Variants in DENND5A observed in about 807,000 individuals in gnomAD.
DENND5A encodes DENN domain-containing protein 5A.
DENND5A carries 64 observed loss-of-function variants against 140.3 expected under a neutral mutation model. The observed-to-expected ratio is 0.46, with a 90% CI of 0.37 to 0.56. The LOEUF is 0.56. Among genes scored for constraint, DENND5A ranks in the 20% least tolerant of loss-of-function variants. The pLI is 0.00. For synonymous variants in DENND5A, 605 were observed against 607.7 expected (o/e 1.00, Z 0.07); for missense variants, 1,292 against 1,593.8 (o/e 0.81, Z 3.22).
intron 12 of DENND5A, among the ~76,000 whole-genome samples, chr11:9,154,109 T>C (rs1847724340): frequency 6.6e-6 from 1 of 152,254 alleles, no homozygotes; most frequent in African/African-American, 2.4e-5. Context: ...TCTATAATAA[T>C]GATAGAAGCT....
At chr11:9,210,661 A>G (rs1210173717) in intron 1 of DENND5A, among the ~76,000 whole-genome samples, 1 of 152,106 alleles carries the variant, frequency 6.6e-6, no homozygotes. Flanking sequence ...CTCCCACCTC[A>G]GCCTCCAGAG....
Position 9,178,996 on chromosome 11 carries a change from C to A in DENND5A, c.1533G>T (p.Gln511His), listed in dbSNP as rs1214196058. Residue 511 changes from glutamine to histidine, a missense_variant, in exon 7 of 23, where the codon CAG (glutamine) becomes CAT (histidine). Physicochemically the swap from Gln to His is conservative, Grantham distance 24. Around this residue, in one of 4 missense-constraint regions of DENND5A, gnomAD observed 566 missense variants for 650.4 expected, o/e 0.87. Coordinates refer to ENST00000328194, the MANE Select transcript of DENND5A (RefSeq NM_015213.4). ...AAACTTCCCGGATCTGAATGTTTAG[C>A]TGGTAAATCCTGAGTTCTTCTTCAT... The part of the protein sequence containing the change: ...QCDEEELRIY[Q>H]LNIQIREVFA... 2 of 1,614,134 alleles carry A rather than the reference C, an allele frequency of 1.2e-6. No homozygotes were observed. Among genetic ancestry groups the A allele is most frequent in the South Asian group, 2.2e-5 (2 of 91,084 alleles).
chr11:9,156,234 C>T (rs1847796908), intron 12 of DENND5A, among the ~76,000 whole-genome samples: 2 of 152,124 alleles, frequency 1.3e-5, no homozygotes. Context: ...TAACGCCATG[C>T]CAGCAAGAAC....
chr11:9,188,629 G>C (rs1045257968), intron 5 of DENND5A, among the ~76,000 whole-genome samples: 2 of 152,176 alleles, frequency 1.3e-5, no homozygotes, highest in East Asian at 3.8e-4. Context: ...TAAGGAACTT[G>C]CTGGGAACTG....
At chr11:9,185,385 C>G (rs1001710990) in intron 5 of DENND5A, among the ~76,000 whole-genome samples, 1 of 152,000 alleles carries the variant, frequency 6.6e-6, no homozygotes, top group Non-Finnish European at 1.5e-5. Context: ...TTATGGTTTA[C>G]TTTTTTCCCC....
intron 1 of DENND5A, among the ~76,000 whole-genome samples, chr11:9,213,982 G>A (rs1241973777): frequency 6.6e-6 from 1 of 152,110 alleles, no homozygotes; most frequent in Non-Finnish European, 1.5e-5. Context: ...TTTCCTCTGC[G>A]AATGCATACG....
At chr11:9,209,408 A>T (rs996366309) in intron 1 of DENND5A, among the ~76,000 whole-genome samples, 7 of 152,218 alleles carry the variant, frequency 4.6e-5, no homozygotes, top group African/African-American at 1.7e-4. Context: ...GCTGATCTGA[A>T]GTGTGGTCAA....
intron 1 of DENND5A, among the ~76,000 whole-genome samples, chr11:9,260,400 A>G (rs1259564431): frequency 2.0e-5 from 3 of 152,170 alleles, no homozygotes; most frequent in African/African-American, 7.2e-5. Flanking sequence ...AGAAACAAAG[A>G]AAAAGAAGAT....
intron 1 of DENND5A, among the ~76,000 whole-genome samples, chr11:9,237,021 G>A (rs1851031893): frequency 6.6e-6 from 1 of 152,082 alleles, no homozygotes; most frequent in Non-Finnish European, 1.5e-5. Flanking sequence ...CACCACAACA[G>A]AAATATGGAC....
At position 9,140,082 on chromosome 11, in the gene DENND5A, T is replaced by C; in HGVS notation, c.3681-228A>G. On this transcript the variant is annotated intron_variant, in intron 22 of 22. Transcript: ENST00000328194. Reference sequence around the variant, plus strand: ...CCCTGTCATGAGCCTCCAAGCCTCCTCCTCCCCTGCCTCCCTCGCCCTGCC... The same window carrying C: ...CCCTGTCATGAGCCTCCAAGCCTCCCCCTCCCCTGCCTCCCTCGCCCTGCC... 3.9e-6 allele frequency: 5 copies of C among 1,268,872 alleles called. No individual in the cohort carries two copies. The South Asian group carries it at 5.3e-5, about 14-fold the overall frequency. 78.6% of individuals were successfully genotyped at this position (1,268,872 alleles called of 1,614,324 possible). A position where few individuals can be genotyped will look rare whatever the true frequency, so the allele number is the denominator to read the frequency against.
chr11:9,257,640 C>T (rs1370098209), intron 1 of DENND5A, among the ~76,000 whole-genome samples: 2 of 151,222 alleles, frequency 1.3e-5, no homozygotes, highest in Non-Finnish European at 2.9e-5. Flanking sequence ...CGCCATCGCA[C>T]CCGGCTAATT....
chr11:9,254,465 A>G (rs1052949572), intron 1 of DENND5A, among the ~76,000 whole-genome samples: 3 of 152,206 alleles, frequency 2.0e-5, no homozygotes, highest in Admixed American at 1.3e-4. Flanking sequence ...CTAAAAAAAG[A>G]AAACACATAA....
chr11:9,139,579 C>G lies in DENND5A; in HGVS notation c.*92G>C. The G allele has an allele frequency of 8.3e-7, 1 of 1,206,660 alleles. No individual in the cohort carries two copies. Among genetic ancestry groups the G allele is most frequent in the South Asian group, 1.5e-5 (1 of 68,336 alleles). 74.7% of individuals were successfully genotyped at this position (1,206,660 alleles called of 1,614,324 possible). On this transcript the variant is annotated 3_prime_UTR_variant, in exon 23 of 23. Coordinates refer to ENST00000328194, the MANE Select transcript of DENND5A (RefSeq NM_015213.4). ...CAGTGAGTGTACATTTTGTCTCCTA[C>G]TCCTGCACAATCGCTTAAGTCCCTT...
chr11:9,158,593 A>G (rs1564887045), intron 12 of DENND5A, among the ~76,000 whole-genome samples: 1 of 152,010 alleles, frequency 6.6e-6, no homozygotes, highest in African/African-American at 2.4e-5. Context: ...ATAAAATTCC[A>G]TCATACATAT....
intron 1 of DENND5A, among the ~76,000 whole-genome samples, chr11:9,255,912 G>A (rs1434739063): frequency 6.6e-6 from 1 of 151,024 alleles, no homozygotes; most frequent in African/African-American, 2.4e-5. Context: ...TGTAATCCCA[G>A]CTACTCAAGA....
At chr11:9,241,685 T>A (rs1258457799) in intron 1 of DENND5A, among the ~76,000 whole-genome samples, 2 of 152,182 alleles carry the variant, frequency 1.3e-5, no homozygotes, top group African/African-American at 4.8e-5. Flanking sequence ...GAAATTGTCA[T>A]CCTCTCAGTG....
chr11:9,150,015 A>T (rs868738678), intron 15 of DENND5A, 66 bp downstream of exon 15: 1 of 1,548,890 alleles, frequency 6.5e-7, no homozygotes, highest in Middle Eastern at 2.1e-4. Context: ...CCCTTCCCAC[A>T]CAAGTTTCCA....
intron 5 of DENND5A, among the ~76,000 whole-genome samples, chr11:9,183,515 C>G (rs113722549): frequency 6.6e-6 from 1 of 151,574 alleles, no homozygotes; most frequent in Non-Finnish European, 1.5e-5. Context: ...TGGCTCACTG[C>G]AGCCTTGACT....
chr11:9,172,259 C>G (rs1848396385), intron 8 of DENND5A: 1 of 152,126 alleles, frequency 6.6e-6, no homozygotes, highest in Non-Finnish European at 1.5e-5. Context: ...GAGCTGCAAG[C>G]ACAAGAATCA....
Sources: allele counts gnomAD v4.1 joint callset (sites outside exome capture counted in the v4.1 genomes callset), GRCh38; gene constraint gnomAD v4.1.1; regional missense constraint gnomAD v4.1.1; transcripts MANE v1.5; gene names NCBI Gene and HGNC (gene_info 2026-07-23, HGNC 2026-07-21).